PLXNA4: variants seen among roughly 807,000 people sequenced by gnomAD.
PLXNA4 encodes plexin-A4.
Under a neutral mutation model 191.8 loss-of-function variants are expected in PLXNA4, and 44 were observed. The observed-to-expected ratio is 0.23, with a 90% CI of 0.18 to 0.29. PLXNA4 has a LOEUF of 0.29. Ranked by LOEUF, PLXNA4 falls within the 10% of genes least tolerant of loss-of-function variation. The pLI is 1.00. For synonymous variants in PLXNA4, 1,082 were observed against 1,009.5 expected (o/e 1.07, Z -1.36); for missense variants, 1,800 against 2,488.8 (o/e 0.72, Z 5.89).
intron 2 of PLXNA4, among the ~76,000 whole-genome samples, chr7:132,603,396 C>T (rs958951207): frequency 2.6e-5 from 4 of 152,144 alleles, no homozygotes; most frequent in Non-Finnish European, 2.9e-5. Flanking sequence ...CACTTCTGCC[C>T]AGCTACTCGG....
intron 2 of PLXNA4, among the ~76,000 whole-genome samples, chr7:132,504,430 C>T (rs1004770306): frequency 2.6e-5 from 4 of 152,122 alleles, no homozygotes; most frequent in Admixed American, 2.6e-4. Context: ...GGTGTGAGTT[C>T]AGGGGGAAGA....
Position 132,487,421 on chromosome 7 carries a change from G to A in PLXNA4, c.1371+1871C>T, listed in dbSNP as rs4731872. Among the ~76,000 whole-genome samples the A allele has an allele frequency of 0.014, 2,147 of 152,318 alleles. 239 individuals are homozygous for A. In the East Asian group the frequency reaches 0.29, roughly 21 times the overall value. ...TCATTCACCCATTGCAGCAGGTGAAGCAGGTCTCAGTGCATGAATTGTACA... is the reference window on the plus strand; with the variant it reads ...TCATTCACCCATTGCAGCAGGTGAAACAGGTCTCAGTGCATGAATTGTACA... On this transcript the variant is annotated intron_variant, in intron 3 of 31. Transcript: ENST00000321063.
intron 3 of PLXNA4, among the ~76,000 whole-genome samples, chr7:132,309,975 G>A (rs73157282): frequency 0.025 from 3,801 of 152,250 alleles, 62 homozygotes; most frequent in Middle Eastern, 0.048. Flanking sequence ...AGTAGGCACC[G>A]CCACCCTAGA....
intron 3 of PLXNA4, among the ~76,000 whole-genome samples, chr7:132,373,835 T>C (rs950186930): frequency 5.3e-5 from 8 of 152,166 alleles, no homozygotes; most frequent in Non-Finnish European, 1.0e-4. Flanking sequence ...TTACCGCCCT[T>C]ATTAGGTTTT....
chr7:132,492,840 A>G (rs1198708271), intron 2 of PLXNA4, among the ~76,000 whole-genome samples: 1 of 152,174 alleles, frequency 6.6e-6, no homozygotes, highest in Non-Finnish European at 1.5e-5. Flanking sequence ...AAGCACTTCA[A>G]TGTAAGATAT....
At chr7:132,145,469 T>A in intron 28 of PLXNA4, 181 bp from the exon 29 acceptor site, 2 of 799,400 alleles carry the variant, frequency 2.5e-6, no homozygotes, top group Non-Finnish European at 3.8e-6. Context: ...CTAACAGCTT[T>A]AAATTTCCCC....
rs1796640161 is a variant in PLXNA4 at position 132,179,697 on chromosome 7, C to T, written c.3864G>A (p.Glu1288=). ...MDNLESRVAL[E]CKEAFAELQT... ...GGGGCCACTCAGTACCTTCCTTGCA[C>T]TCCAGGGCCACACGGGACTCCAGGT... The change falls in exon 20 of 32, where the codon GAG becomes GAA. Residue 1288 remains glutamate, a synonymous_variant. Coordinates refer to ENST00000321063, the MANE Select transcript of PLXNA4 (RefSeq NM_020911.2). 1.9e-6 allele frequency: 3 copies of T among 1,613,416 alleles called. No homozygotes were observed. The highest frequency in any genetic ancestry group is 2.5e-6 in the Non-Finnish European group (3 of 1,179,476).
At chr7:132,536,699 T>A (rs915890140) in intron 1 of PLXNA4, among the ~76,000 whole-genome samples, 5 of 152,146 alleles carry the variant, frequency 3.3e-5, no homozygotes, top group African/African-American at 1.2e-4. Context: ...TAGGCTGTAA[T>A]CCTAGAGCCA....
intron 4 of PLXNA4, among the ~76,000 whole-genome samples, chr7:132,274,726 G>A (rs918440540): frequency 2.7e-5 from 4 of 148,534 alleles, no homozygotes; most frequent in African/African-American, 5.0e-5. Flanking sequence ...TTTTTGGCAC[G>A]AATACCACAG....
At chr7:132,158,924 A>G (rs992215922) in intron 25 of PLXNA4, among the ~76,000 whole-genome samples, 2 of 152,228 alleles carry the variant, frequency 1.3e-5, no homozygotes, top group Admixed American at 6.5e-5. Context: ...GTAACAGCTA[A>G]AATGTCAGAC....
intron 3 of PLXNA4, chr7:132,384,372 C>T: frequency 3.0e-6 from 3 of 985,514 alleles, no homozygotes; most frequent in Non-Finnish European, 3.6e-6. Context: ...ATGATAGGAG[C>T]ACATGACACC....
rs1794849696 is a variant in PLXNA4 at position 132,128,815 on chromosome 7, CTCA to C, written c.*1661_*1663del. ...GAAGGCAAGACTGTGAATCCTTCTC[CTCA>C]ACCTCACCTAAGATGTTTCTCCTTG... On this transcript the variant is annotated 3_prime_UTR_variant, in exon 32 of 32. Transcript: ENST00000321063. 1.3e-5 allele frequency: 2 copies of C among 152,236 alleles called. No homozygotes were observed. Among genetic ancestry groups the C allele is most frequent in the Admixed American group, 1.3e-4 (2 of 15,290 alleles). The allele number at this position is 152,236 out of a possible 1,614,324, so 9.4% of individuals were successfully genotyped here. A position where few individuals can be genotyped will look rare whatever the true frequency, so the allele number is the denominator to read the frequency against.
intron 3 of PLXNA4, among the ~76,000 whole-genome samples, chr7:132,453,433 G>C (rs1175433842): frequency 6.6e-6 from 1 of 152,116 alleles, no homozygotes; most frequent in African/African-American, 2.4e-5. Flanking sequence ...AGAAACTATA[G>C]AGGTGTGTTT....
chr7:132,563,107 TC>T (rs1801386612), intron 1 of PLXNA4, among the ~76,000 whole-genome samples: 2 of 80,242 alleles, frequency 2.5e-5, no homozygotes, highest in South Asian at 1.3e-3. Flanking sequence ...CTCCTCCTCC[TC>T]TCCCTCCTCC....
intron 3 of PLXNA4, among the ~76,000 whole-genome samples, chr7:132,441,295 T>G (rs1221104156): frequency 4.6e-5 from 7 of 152,222 alleles, no homozygotes; most frequent in South Asian, 4.1e-4. Flanking sequence ...TCAACGAACT[T>G]GTCATAAGAT....
chr7:132,562,041 TCCTCCTCCTCTC>T, intron 1 of PLXNA4, among the ~76,000 whole-genome samples: 1 of 102,924 alleles, frequency 9.7e-6, no homozygotes, highest in Non-Finnish European at 2.1e-5. Context: ...CTCCTCCTCT[TCCTCCTCCTCTC>T]CCTCCTCCTT....
intron 5 of PLXNA4, among the ~76,000 whole-genome samples, chr7:132,232,699 T>G (rs1389660878): frequency 6.6e-6 from 1 of 152,196 alleles, no homozygotes; most frequent in African/African-American, 2.4e-5. Flanking sequence ...GAACTTTCAC[T>G]GCTGGAGAAT....
At chr7:132,616,526 C>A (rs1455039417) in intron 2 of PLXNA4, among the ~76,000 whole-genome samples, 1 of 152,180 alleles carries the variant, frequency 6.6e-6, no homozygotes, top group Admixed American at 6.5e-5. Context: ...TTGCTTGACT[C>A]ATCCATAAAA....
At chr7:132,188,932 C>A (rs1796966734) in intron 14 of PLXNA4, among the ~76,000 whole-genome samples, 1 of 110,766 alleles carries the variant, frequency 9.0e-6, no homozygotes, top group African/African-American at 3.3e-5. Flanking sequence ...CTTAAAGTAT[C>A]CCCACCAACC....
Sources: allele counts gnomAD v4.1 joint callset (sites outside exome capture counted in the v4.1 genomes callset), GRCh38; gene constraint gnomAD v4.1.1; transcripts MANE v1.5; gene names NCBI Gene and HGNC (gene_info 2026-07-23, HGNC 2026-07-21).